The following NAV3 variants were observed in gnomAD, a reference collection of about 807,000 sequenced individuals.
NAV3 encodes neuron navigator 3, also known as pore membrane and/or filament interacting like protein 1.
A neutral mutation model predicts 244.7 loss-of-function variants in NAV3; 87 were observed. The ratio of observed to expected loss-of-function variants is 0.36; its 90% CI spans 0.30 to 0.42. The LOEUF (loss-of-function observed/expected upper bound fraction) is 0.42. Among genes scored for constraint, NAV3 ranks in the 20% least tolerant of loss-of-function variants. The probability of loss-of-function intolerance (pLI) is 1.00; values close to 1 mark genes in which losing one functional copy is unlikely to be tolerated. For missense variants in NAV3, 2,663 were observed against 2,893.3 expected (o/e 0.92, Z 1.83); for synonymous variants, 1,126 against 1,042.2 (o/e 1.08, Z -1.55).
intron 1 of NAV3, among the ~76,000 whole-genome samples, chr12:77,922,348 A>G (rs1243788017): frequency 6.6e-6 from 1 of 151,868 alleles, no homozygotes. Flanking sequence ...CCATCTCCTA[A>G]CAGCTTTTCG....
Position 77,998,304 on chromosome 12 carries a change from A to G in NAV3, c.741-33A>G, listed in dbSNP as rs200556761. The G allele has an allele frequency of 1.1e-3, 1,649 of 1,520,102 alleles. 2 individuals carry two copies. Among genetic ancestry groups the G allele is most frequent in the Non-Finnish European group, 1.3e-3 (1,469 of 1,136,386 alleles). The allele number at this position is 1,520,102 out of a possible 1,614,324, so 94.2% of individuals were successfully genotyped here. ...TGCTTCTTACCTTTTTGTAATGTACAATAATGATGTAATTTTTCTTATACT... is the reference window on the plus strand; with the variant it reads ...TGCTTCTTACCTTTTTGTAATGTACGATAATGATGTAATTTTTCTTATACT... On this transcript the variant is annotated intron_variant, in intron 6 of 39. Coordinates refer to ENST00000397909, the MANE Select transcript of NAV3 (RefSeq NM_001024383.2).
intron 12 of NAV3, among the ~76,000 whole-genome samples, chr12:78,066,852 G>A (rs1390349398): frequency 1.3e-5 from 2 of 152,002 alleles, no homozygotes; most frequent in Admixed American, 6.6e-5. Context: ...GTGACTCTGA[G>A]GTTGCCATTG....
chr12:78,127,857 A>C (rs1004323647), intron 17 of NAV3, among the ~76,000 whole-genome samples: 4 of 152,294 alleles, frequency 2.6e-5, no homozygotes, highest in African/African-American at 9.6e-5. Flanking sequence ...ATATTTAATA[A>C]TCTCAAAATA....
Position 77,728,287 on chromosome 12 carries a change from T to C in NAV3, c.72+156021T>C, listed in dbSNP as rs151288618. Among the ~76,000 whole-genome samples, 431 of 152,052 alleles carry C rather than the reference T, an allele frequency of 2.8e-3. 1 individual carries two copies. The highest frequency in any genetic ancestry group is 5.2e-3 in the Non-Finnish European group (350 of 67,916). Reference sequence around the variant, plus strand: ...TACGATGATTTGTGGTCAAAAGTGTTTTGAGTAATATATTGCTGATTTATT... The same window carrying C: ...TACGATGATTTGTGGTCAAAAGTGTCTTGAGTAATATATTGCTGATTTATT... On this transcript the variant is annotated intron_variant, in intron 2 of 8. Transcript: ENST00000550042.
chr12:77,661,197 C>T (rs1177460926), intron 2 of NAV3, among the ~76,000 whole-genome samples: 1 of 152,106 alleles, frequency 6.6e-6, no homozygotes, highest in Non-Finnish European at 1.5e-5. Flanking sequence ...TTTACATTCC[C>T]GCCAGCCATG....
chr12:78,009,790 C>T (rs577836703), intron 8 of NAV3, among the ~76,000 whole-genome samples: 4 of 152,012 alleles, frequency 2.6e-5, no homozygotes, highest in African/African-American at 4.8e-5. Context: ...ATGCCTACCT[C>T]GATTGATTGT....
chr12:78,139,464 G>A (rs1956512019), intron 19 of NAV3, among the ~76,000 whole-genome samples: 1 of 152,086 alleles, frequency 6.6e-6, no homozygotes, highest in Non-Finnish European at 1.5e-5. Flanking sequence ...CCAGGATCTA[G>A]CAACAGCTTG....
intron 2 of NAV3, among the ~76,000 whole-genome samples, chr12:77,741,114 T>C (rs1165949049): frequency 7.5e-6 from 1 of 132,490 alleles, no homozygotes; most frequent in Non-Finnish European, 1.5e-5. Context: ...CCACTATTTG[T>C]TGATTTTAGA....
In NAV3 at chr12:78,119,663, G is replaced by T. The variant is rs1275668136; in HGVS notation, c.3467G>T (p.Arg1156Ile). 1 of 1,614,058 alleles carries T rather than the reference G, an allele frequency of 6.2e-7. No homozygotes were observed. The highest frequency in any genetic ancestry group is 8.5e-7 in the Non-Finnish European group (1 of 1,180,054). Reference sequence around the variant, plus strand: ...GGCATTCCTGGCCGAGGAGGCCACAGATCCAGTACCAGCAGTATTGATTCC... The same window carrying T: ...GGCATTCCTGGCCGAGGAGGCCACATATCCAGTACCAGCAGTATTGATTCC... ...TSGIPGRGGH[R>I]SSTSSIDSNV... Residue 1156 changes from arginine to isoleucine, a missense_variant, in exon 15 of 40, where the codon AGA (arginine) becomes ATA (isoleucine). By Grantham distance (97) the Arg-to-Ile change is moderately conservative (BLOSUM62 -3). Around this residue, in one of 6 missense-constraint regions of NAV3, gnomAD observed 1,521 missense variants for 1,497.0 expected, o/e 1.02. Transcript: ENST00000397909.
intron 17 of NAV3, among the ~76,000 whole-genome samples, 200 bp from the exon 18 acceptor site, chr12:78,128,506 C>T (rs1027212325): frequency 6.6e-6 from 1 of 152,114 alleles, no homozygotes; most frequent in East Asian, 1.9e-4. Context: ...CTCCTCAAAA[C>T]CCTTTATCTT....
intron 2 of NAV3, among the ~76,000 whole-genome samples, chr12:77,684,064 GAGTGATCCC>G (rs548450451): frequency 1.2e-3 from 186 of 152,278 alleles, no homozygotes; most frequent in Non-Finnish European, 2.0e-3. Flanking sequence ...AGCAATATCT[GAGTGATCCC>G]AGTGATCTGC....
intron 3 of NAV3, among the ~76,000 whole-genome samples, chr12:77,965,775 A>G (rs1437928057): frequency 6.6e-6 from 1 of 152,234 alleles, no homozygotes; most frequent in Admixed American, 6.5e-5. Context: ...GGATGAAAAT[A>G]TGCTTCATTT....
chr12:77,741,253 C>T (rs1868331467), intron 2 of NAV3, among the ~76,000 whole-genome samples: 1 of 150,850 alleles, frequency 6.6e-6, no homozygotes, highest in African/African-American at 2.4e-5. Flanking sequence ...AAAAGAGAAT[C>T]CTTATAAAGT....
At chr12:77,879,182 A>C (rs1592872761) in intron 1 of NAV3, among the ~76,000 whole-genome samples, 2 of 152,266 alleles carry the variant, frequency 1.3e-5, no homozygotes, top group East Asian at 1.9e-4. Context: ...CTACCCTGCA[A>C]ATTTCCCAGG....
At chr12:77,975,424 T>C (rs117108259) in intron 5 of NAV3, among the ~76,000 whole-genome samples, 15 of 152,332 alleles carry the variant, frequency 9.8e-5, no homozygotes, top group Non-Finnish European at 2.2e-4. Context: ...TATTTACCAG[T>C]AATTTGACAG....
At chr12:77,578,512 T>G (rs1177977474) in intron 2 of NAV3, among the ~76,000 whole-genome samples, 1 of 152,158 alleles carries the variant, frequency 6.6e-6, no homozygotes, top group Non-Finnish European at 1.5e-5. Context: ...TGTTTTGGGG[T>G]CTGCTCTCAG....
chr12:77,713,655 A>G (rs1393646012), intron 2 of NAV3, among the ~76,000 whole-genome samples: 2 of 152,142 alleles, frequency 1.3e-5, no homozygotes, highest in African/African-American at 4.8e-5. Flanking sequence ...CTTTTTGTGT[A>G]TGACCTTTGA....
intron 24 of NAV3, among the ~76,000 whole-genome samples, chr12:78,169,551 T>C (rs1957918117): frequency 6.6e-6 from 1 of 151,736 alleles, no homozygotes; most frequent in African/African-American, 2.4e-5. Context: ...CACTTTTCAA[T>C]GGCCTTCAGT....
At chr12:77,714,221 G>C (rs1245255041) in intron 2 of NAV3, among the ~76,000 whole-genome samples, 1 of 152,070 alleles carries the variant, frequency 6.6e-6, no homozygotes, top group African/African-American at 2.4e-5. Context: ...TTAGAAATTT[G>C]GGAAGTGAAG....
Sources: gnomAD v4.1 joint callset for allele counts (sites outside exome capture counted in the v4.1 genomes callset) on GRCh38, gnomAD v4.1.1 for gene constraint, gnomAD v4.1.1 regional missense constraint, MANE v1.5 for transcripts, NCBI Gene and HGNC (gene_info 2026-07-23, HGNC 2026-07-21) for gene names.